NUP58: variants seen among roughly 807,000 people sequenced by gnomAD.
NUP58 encodes the protein nucleoporin 58, also known as nucleoporin p58/p45.
A neutral mutation model predicts 70.1 loss-of-function variants in NUP58; 17 were observed. The ratio of observed to expected loss-of-function variants is 0.24; its 90% confidence interval spans 0.17 to 0.36. The LOEUF is 0.36. Among genes scored for constraint, NUP58 ranks in the 10% least tolerant of loss-of-function variants. The pLI, the probability that NUP58 is intolerant of heterozygous loss-of-function variation, is 1.00. For synonymous variants in NUP58, 275 were observed against 257.6 expected, an observed-to-expected ratio of 1.07 and a Z score of -0.65; for missense variants, 644 against 701.5, an observed-to-expected ratio of 0.92 and a Z score of 0.93.
At chr13:25,317,911 T>C (rs922572237) in intron 6 of NUP58, 2 of 149,756 alleles carry the variant, frequency 1.3e-5, no homozygotes, top group African/African-American at 2.5e-5. Flanking sequence ...TCATGCAGGT[T>C]GGAATGCAGT....
chr13:25,324,920 TC>T (rs2031333162), intron 9 of NUP58, 68 bp from the exon 10 acceptor site: 1 of 1,010,078 alleles, frequency 9.9e-7, no homozygotes, highest in Admixed American at 2.2e-5. Context: ...ATATTTTTTT[TC>T]GTACGGTATT....
At chr13:25,309,964 C>T (rs1007860247) in intron 3 of NUP58, 5 of 375,340 alleles carry the variant, frequency 1.3e-5, no homozygotes, top group Non-Finnish European at 2.7e-5. Flanking sequence ...TAACAGAAAA[C>T]AACACATCTG....
At chr13:25,331,710 A>G in intron 13 of NUP58, 152 bp downstream of exon 13, 1 of 1,440,264 alleles carries the variant, frequency 6.9e-7, no homozygotes. Flanking sequence ...ACGATTATAA[A>G]CATACCTGAT....
intron 6 of NUP58, among the ~76,000 whole-genome samples, chr13:25,316,364 T>G (rs2030929270): frequency 6.6e-6 from 1 of 152,182 alleles, no homozygotes; most frequent in South Asian, 2.1e-4. Flanking sequence ...CCATATATAC[T>G]AGGGTATATA....
Position 25,337,633 on chromosome 13 carries a change from G to A in NUP58, c.1534+599G>A, listed in dbSNP as rs547991443. Among the ~76,000 whole-genome samples, 8 of 152,266 alleles carry A rather than the reference G, an allele frequency of 5.3e-5. 1 individual carries two copies. The South Asian group carries it at 1.7e-3, about 32-fold the overall frequency. On this transcript the variant is annotated intron_variant, in intron 14 of 15. Coordinates refer to ENST00000381736, the MANE Select transcript of NUP58 (RefSeq NM_014089.4). ...AATGCATTCACAATTCTTTGATATG[G>A]ATAACTGAAAGTTGGTTGTATTTTC...
chr13:25,335,362 T>C, intron 13 of NUP58: 4 of 985,356 alleles, frequency 4.1e-6, no homozygotes, highest in Non-Finnish European at 4.8e-6. Flanking sequence ...GTGGTGTGCA[T>C]TATTCTTTAG....
intron 1 of NUP58, among the ~76,000 whole-genome samples, chr13:25,304,016 G>T (rs923668859): frequency 1.3e-5 from 2 of 152,194 alleles, no homozygotes; most frequent in Admixed American, 6.5e-5. Context: ...GCCACCTAGT[G>T]ATTTGATGTC....
chr13:25,348,789 T>G (rs2032077317), intron 3 of NUP58, among the ~76,000 whole-genome samples: 1 of 152,242 alleles, frequency 6.6e-6, no homozygotes, highest in African/African-American at 2.4e-5. Context: ...TTGTCTACCC[T>G]TGTTCATCAT....
chr13:25,346,575 C>T (rs1372879223), downstream of NUP58, among the ~76,000 whole-genome samples: 2 of 151,948 alleles, frequency 1.3e-5, no homozygotes, highest in African/African-American at 2.4e-5. Flanking sequence ...CAAAAATTAG[C>T]CAGGTGTGGT....
chr13:25,334,025 T>G (rs911313877), intron 13 of NUP58: 1 of 985,236 alleles, frequency 1.0e-6, no homozygotes, highest in African/African-American at 1.7e-5. Context: ...TTAAACGACT[T>G]CTTTGTCCTC....
rs1462037997 is a variant in NUP58, at chr13:25,322,269, G to T, written c.951+1176G>T. ...AAGTAAAATTTTTAAAGGTGCTTTTGGGTCTTTAAGTCCACTATTGGAGAA... is the reference window on the plus strand; with the variant it reads ...AAGTAAAATTTTTAAAGGTGCTTTTTGGTCTTTAAGTCCACTATTGGAGAA... On this transcript the variant is annotated intron_variant, in intron 9 of 15. Coordinates refer to ENST00000381736, the MANE Select transcript of NUP58 (RefSeq NM_014089.4). Among the ~76,000 whole-genome samples, 6 of 152,118 alleles carry T rather than the reference G, an allele frequency of 3.9e-5. No individual in the cohort carries two copies. The East Asian group carries it at 1.2e-3, about 29-fold the overall frequency.
At chr13:25,344,790 T>C (rs187061106), downstream of NUP58, among the ~76,000 whole-genome samples, 8 of 152,362 alleles carry the variant, frequency 5.3e-5, no homozygotes, top group Non-Finnish European at 7.3e-5. Context: ...TGCAAATTTT[T>C]ATCCTGTAGT....
intron 3 of NUP58, among the ~76,000 whole-genome samples, chr13:25,310,929 A>AC (rs1314098565): frequency 1.3e-5 from 2 of 152,192 alleles, no homozygotes; most frequent in Non-Finnish European, 2.9e-5. Flanking sequence ...ATGGTCCTTG[A>AC]TGATGACATT....
At chr13:25,303,155 A>C in intron 1 of NUP58, 1 of 449,550 alleles carries the variant, frequency 2.2e-6, no homozygotes, top group South Asian at 1.6e-5. Context: ...TTTTAGCCAG[A>C]GTAATTGAAA....
At chr13:25,315,140 T>C (rs1161047291) in intron 5 of NUP58, among the ~76,000 whole-genome samples, 2 of 151,952 alleles carry the variant, frequency 1.3e-5, no homozygotes. Flanking sequence ...CTCGTAATAA[T>C]GAAAAATCGC....
chr13:25,342,798 G>A (rs1423780452), downstream of NUP58, among the ~76,000 whole-genome samples: 1 of 151,642 alleles, frequency 6.6e-6, no homozygotes, highest in African/African-American at 2.4e-5. Flanking sequence ...TATTCTCTCT[G>A]ATTTTTTATC....
At chr13:25,332,451 C>A in intron 13 of NUP58, 2 of 983,816 alleles carry the variant, frequency 2.0e-6, no homozygotes, top group Non-Finnish European at 2.4e-6. Flanking sequence ...TTTAATCATT[C>A]ATAAATTTCT....
chr13:25,340,073 C>T lies in NUP58; in HGVS notation c.1739C>T (p.Thr580Ile), dbSNP rs753574770. ...VSNPASAGFGTGGQLLQLKKP... is the reference protein window; with the variant it reads ...VSNPASAGFGIGGQLLQLKKP... ...AATCCTGCCTCTGCAGGTTTTGGAA[C>T]AGGAGGACAACTCCTTCAGTTGAAG... The change falls in exon 16 of 16, where the codon ACA becomes ATA. Residue 580 changes from threonine to isoleucine, a missense_variant. By Grantham distance (89) the Thr-to-Ile change is moderately conservative (BLOSUM62 -1). Around this residue, in one of 4 missense-constraint regions of NUP58, gnomAD observed 132 missense variants for 203.9 expected, o/e 0.65. Transcript: ENST00000381736. 1.7e-5 allele frequency: 27 copies of T among 1,613,668 alleles called. No individual in the cohort carries two copies. The highest frequency in any genetic ancestry group is 1.4e-5 in the Non-Finnish European group (17 of 1,179,904).
chr13:25,338,548 C>A, intron 14 of NUP58, 88 bp from the exon 15 acceptor site: 1 of 897,440 alleles, frequency 1.1e-6, no homozygotes, highest in Non-Finnish European at 1.8e-6. Context: ...ATCTGTTAGA[C>A]CTCTGATGAT....
Sources: gnomAD v4.1 joint callset for allele counts (sites outside exome capture counted in the v4.1 genomes callset) on GRCh38, gnomAD v4.1.1 for gene constraint, gnomAD v4.1.1 regional missense constraint, MANE v1.5 for transcripts, NCBI Gene and HGNC (gene_info 2026-07-23, HGNC 2026-07-21) for gene names.